Variants in FARS2 observed in about 807,000 individuals in gnomAD.
FARS2 encodes the protein phenylalanyl-tRNA synthetase 2, mitochondrial.
Under a neutral mutation model 46.4 loss-of-function variants are expected in FARS2, and 40 were observed. That is an observed-to-expected ratio of 0.86 (90% CI 0.67 to 1.12). The LOEUF (loss-of-function observed/expected upper bound fraction) is 1.12. Among genes scored for constraint, FARS2 ranks in the 50% most tolerant of loss-of-function variants. The pLI is 0.00. For missense variants in FARS2, 513 were observed against 567.9 expected, an observed-to-expected ratio of 0.90 and a Z score of 0.98; for synonymous variants, 234 against 214.9, an observed-to-expected ratio of 1.09 and a Z score of -0.78.
At chr6:5,683,263 A>G (rs568969171) in intron 6 of FARS2, among the ~76,000 whole-genome samples, 3 of 152,324 alleles carry the variant, frequency 2.0e-5, no homozygotes, top group Non-Finnish European at 4.4e-5. Flanking sequence ...CTCTGAAGGC[A>G]GAATGCACAG....
the FARS2 span, among the ~76,000 whole-genome samples, chr6:5,250,940 T>TAA: frequency 5.3e-5 from 8 of 152,366 alleles, no homozygotes; most frequent in South Asian, 1.7e-3. Flanking sequence ...AATATTTCTG[T>TAA]AATACGATAT....
intron 1 of FARS2, among the ~76,000 whole-genome samples, chr6:5,356,938 ATTT>A (rs34837301): frequency 2.6e-4 from 39 of 148,308 alleles, no homozygotes; most frequent in East Asian, 5.9e-4. Flanking sequence ...GTGGAGGGCT[ATTT>A]TTTTTTTTTT....
intron 4 of FARS2, among the ~76,000 whole-genome samples, chr6:5,481,903 CT>C (rs1341587549): frequency 6.6e-6 from 1 of 152,140 alleles, no homozygotes; most frequent in Non-Finnish European, 1.5e-5. Flanking sequence ...CTTCTTGCTC[CT>C]CCCTAAGTAT....
At chr6:5,404,446 T>TTAA in intron 2 of FARS2, 96 bp from the exon 3 acceptor site, 1 of 774,584 alleles carries the variant, frequency 1.3e-6, no homozygotes, top group Non-Finnish European at 2.0e-6. Context: ...CATTATAACT[T>TTAA]TTTAGAGTCA....
intron 4 of FARS2, among the ~76,000 whole-genome samples, chr6:5,532,777 T>TAAGAAGAAGAAGAAGAAGAAGAAG (rs573860204): frequency 3.2e-4 from 46 of 143,462 alleles, no homozygotes; most frequent in African/African-American, 1.2e-3. Context: ...ATAATAATAA[T>TAAGAAGAAGAAGAAGAAGAAGAAG]AATAATAAGA....
At chr6:5,512,219 T>C (rs1768502674) in intron 4 of FARS2, among the ~76,000 whole-genome samples, 1 of 152,198 alleles carries the variant, frequency 6.6e-6, no homozygotes, top group African/African-American at 2.4e-5. Flanking sequence ...TGGGCTTGCT[T>C]CTGATTCAGC....
chr6:5,432,528 T>TG (rs59122142), intron 4 of FARS2, among the ~76,000 whole-genome samples: 2 of 121,758 alleles, frequency 1.6e-5, no homozygotes, highest in Non-Finnish European at 3.2e-5. Flanking sequence ...TATATATATA[T>TG]TTTTTTTTTT....
intron 6 of FARS2, among the ~76,000 whole-genome samples, chr6:5,748,584 C>T (rs1220679812): frequency 6.6e-6 from 1 of 152,182 alleles, no homozygotes; most frequent in Non-Finnish European, 1.5e-5. Context: ...CAGACAATTG[C>T]TAAGTGTATT....
chr6:5,540,571 A>G (rs1396707567), intron 4 of FARS2, among the ~76,000 whole-genome samples: 1 of 152,230 alleles, frequency 6.6e-6, no homozygotes. Flanking sequence ...GAGTGACTCA[A>G]AGAATCCACT....
chr6:5,291,174 T>C (rs1295299631), intron 1 of FARS2: 1 of 152,262 alleles, frequency 6.6e-6, no homozygotes, highest in Non-Finnish European at 1.5e-5. Context: ...AAGAACAGGC[T>C]TTGTTAGCAT....
intron 1 of FARS2, among the ~76,000 whole-genome samples, chr6:5,360,034 T>C (rs1223047691): frequency 6.6e-6 from 1 of 152,190 alleles, no homozygotes; most frequent in Admixed American, 6.5e-5. Context: ...GTTCTAGAAA[T>C]TAGGTACACC....
rs993144009 is a variant in FARS2 at position 5,630,881 on chromosome 6, G to A, written c.1217+17561G>A. Among the ~76,000 whole-genome samples, 20 of 152,236 alleles carry A rather than the reference G, an allele frequency of 1.3e-4. No homozygotes were observed. The highest frequency in any genetic ancestry group is 2.4e-4 in the Non-Finnish European group (16 of 68,040). On this transcript the variant is annotated intron_variant, in intron 6 of 6. Transcript: ENST00000274680. The surrounding 1 kb of genome is among the most constrained non-coding windows in gnomAD (Gnocchi z 4.2). ...ACCTGAAAATATGAATGGAGTCTGA[G>A]CGATGCTTTGATCAGCATTTCTTAA...
intron 1 of FARS2, among the ~76,000 whole-genome samples, chr6:5,353,037 A>T (rs1209117114): frequency 6.6e-6 from 1 of 152,168 alleles, no homozygotes; most frequent in Non-Finnish European, 1.5e-5. Context: ...GTGGCCCTGT[A>T]CATGTTAACC....
chr6:5,525,471 G>A (rs1325366246), intron 4 of FARS2, among the ~76,000 whole-genome samples: 1 of 152,152 alleles, frequency 6.6e-6, no homozygotes, highest in Non-Finnish European at 1.5e-5. Context: ...AGAGGCTCAG[G>A]CCCTGGAGAA....
chr6:5,756,123 T>C (rs1762191788), intron 6 of FARS2, among the ~76,000 whole-genome samples: 1 of 152,204 alleles, frequency 6.6e-6, no homozygotes, highest in South Asian at 2.1e-4. Flanking sequence ...AAAGCTTTCA[T>C]TCTCAGGTGA....
At chr6:5,522,098 G>A (rs1236284698) in intron 4 of FARS2, among the ~76,000 whole-genome samples, 4 of 152,188 alleles carry the variant, frequency 2.6e-5, no homozygotes, top group Non-Finnish European at 5.9e-5. Context: ...TAAACCCCTT[G>A]AAATTTAAGT....
intron 4 of FARS2, among the ~76,000 whole-genome samples, chr6:5,494,408 G>A (rs1332288408): frequency 6.6e-6 from 1 of 152,154 alleles, no homozygotes; most frequent in Non-Finnish European, 1.5e-5. Context: ...TACTGGCTGC[G>A]GCTTCACACT....
At chr6:5,713,933 C>T (rs1443473448) in intron 6 of FARS2, among the ~76,000 whole-genome samples, 3 of 152,172 alleles carry the variant, frequency 2.0e-5, no homozygotes, top group Admixed American at 6.5e-5. Context: ...CTCTCTTTGG[C>T]TGATTGCCTT....
chr6:5,482,903 C>G (rs1766553575), intron 4 of FARS2, among the ~76,000 whole-genome samples: 1 of 152,156 alleles, frequency 6.6e-6, no homozygotes, highest in Non-Finnish European at 1.5e-5. Context: ...CCTGTGTTTC[C>G]TCCTCATGAC....
Sources: gnomAD v4.1 joint callset for allele counts (sites outside exome capture counted in the v4.1 genomes callset) on GRCh38, gnomAD v4.1.1 for gene constraint, Gnocchi (gnomAD v3.1) non-coding constraint, MANE v1.5 for transcripts, NCBI Gene and HGNC (gene_info 2026-07-23, HGNC 2026-07-21) for gene names.